The following KDELR3 variants were observed in gnomAD, a reference collection of about 807,000 sequenced individuals.
KDELR3 encodes KDEL endoplasmic reticulum protein retention receptor 3.
Under a neutral mutation model 22.7 loss-of-function variants are expected in KDELR3, and 26 were observed. The ratio of observed to expected loss-of-function variants is 1.15; its 90% CI spans 0.84 to 1.59. The LOEUF is 1.59. KDELR3 is among the 40% of genes most tolerant of loss of function. The pLI, the probability that KDELR3 is intolerant of heterozygous loss-of-function variation, is 0.00. For synonymous variants in KDELR3, 120 were observed against 98.2 expected, an observed-to-expected ratio of 1.22 and a Z score of -1.31; for missense variants, 289 against 251.1, an observed-to-expected ratio of 1.15 and a Z score of -1.02.
At chr22:38,469,688 G>A (rs1359715224) in intron 1 of KDELR3, among the ~76,000 whole-genome samples, 6 of 152,186 alleles carry the variant, frequency 3.9e-5, no homozygotes, top group Non-Finnish European at 1.5e-5. Context: ...AGAAGGCCCT[G>A]CACGGAGTGA....
intron 1 of KDELR3, among the ~76,000 whole-genome samples, chr22:38,471,583 A>G (rs2089525399): frequency 2.0e-5 from 3 of 152,196 alleles, no homozygotes; most frequent in South Asian, 4.1e-4. Context: ...TTGGCAGGTG[A>G]GGAATGTGAG....
At chr22:38,468,507 A>T (rs971247808) in intron 1 of KDELR3, among the ~76,000 whole-genome samples, 183 bp downstream of exon 1, 4 of 151,742 alleles carry the variant, frequency 2.6e-5, no homozygotes. Context: ...GAGGAGGAGG[A>T]CCCCTCGAGA....
intron 4 of KDELR3, among the ~76,000 whole-genome samples, 200 bp from the exon 5 acceptor site, chr22:38,482,296 G>A (rs954800784): frequency 2.0e-5 from 3 of 152,190 alleles, no homozygotes; most frequent in East Asian, 3.8e-4. Flanking sequence ...TAAGTTTACA[G>A]CTGGGGGGAA....
At chr22:38,468,441 CCTT>C in intron 1 of KDELR3, 117 bp downstream of exon 1, 1 of 768,092 alleles carries the variant, frequency 1.3e-6, no homozygotes, top group Non-Finnish European at 2.2e-6. Context: ...GCGTGGGGGT[CCTT>C]GAAACTTTGC....
chr22:38,469,582 C>G (rs1198706856), intron 1 of KDELR3, among the ~76,000 whole-genome samples: 2 of 151,002 alleles, frequency 1.3e-5, no homozygotes, highest in Non-Finnish European at 3.0e-5. Flanking sequence ...TCAGGTTCTT[C>G]CTCAGGGGAG....
intron 4 of KDELR3, 44 bp downstream of exon 4, chr22:38,481,508 T>A: frequency 1.2e-6 from 2 of 1,612,496 alleles, no homozygotes; most frequent in South Asian, 2.2e-5. Context: ...GCCTAAGGAG[T>A]TACTCATCCA....
At chr22:38,476,107 T>C (rs1306761279) in intron 2 of KDELR3, among the ~76,000 whole-genome samples, 2 of 152,076 alleles carry the variant, frequency 1.3e-5, no homozygotes, top group Non-Finnish European at 2.9e-5. Context: ...TTTTTTTGTA[T>C]TTTTAATAGA....
intron 1 of KDELR3, among the ~76,000 whole-genome samples, chr22:38,470,599 C>A (rs1414617291): frequency 6.6e-6 from 1 of 152,082 alleles, no homozygotes; most frequent in Non-Finnish European, 1.5e-5. Flanking sequence ...CAGACCCAGC[C>A]CCAAAGACCA....
rs1443516507 is a variant in KDELR3, at chr22:38,474,527, C to G, written c.96C>G (p.Ile32Met). The change falls in exon 2 of 5, where the codon ATC becomes ATG. Residue 32 changes from isoleucine (I) to methionine (M), a missense_variant. Physicochemically the swap from Ile to Met is conservative, Grantham distance 10. Transcript: ENST00000216014. ...KIWRSKCCKG[I>M]SGKSQILFAL... Reference sequence around the variant, plus strand: ...CCTGTCTACCCTTGGCCACAGGCATCTCTGGGAAGAGCCAGATCCTGTTTG... The same window carrying G: ...CCTGTCTACCCTTGGCCACAGGCATGTCTGGGAAGAGCCAGATCCTGTTTG... 6.2e-7 allele frequency: 1 copy of G among 1,613,630 alleles called. No homozygotes were observed. The highest frequency in any genetic ancestry group is 8.5e-7 in the Non-Finnish European group (1 of 1,179,844).
At position 38,482,414 on chromosome 22, in the gene KDELR3, T is replaced by C. The variant is rs188173064; in HGVS notation, c.605-82T>C. ...ATACTGTGAGCCGGCCATTAAGAGATGATACCAAGATTATGCATCAAGTTA... is the reference window on the plus strand; with the variant it reads ...ATACTGTGAGCCGGCCATTAAGAGACGATACCAAGATTATGCATCAAGTTA... On this transcript the variant is annotated intron_variant, in intron 4 of 4. Transcript: ENST00000216014. 6.1e-6 allele frequency: 7 copies of C among 1,150,892 alleles called. No individual in the cohort carries two copies. The African/African-American group carries it at 1.1e-4, about 18-fold the overall frequency. 71.3% of individuals were successfully genotyped at this position (1,150,892 alleles called of 1,614,324 possible).
intron 1 of KDELR3, among the ~76,000 whole-genome samples, chr22:38,472,062 T>C (rs888925382): frequency 2.0e-5 from 3 of 152,132 alleles, no homozygotes; most frequent in African/African-American, 7.2e-5. Context: ...AACCAGACCC[T>C]GAATTAGACA....
intron 2 of KDELR3, among the ~76,000 whole-genome samples, chr22:38,475,645 G>A (rs554769361): frequency 1.3e-5 from 2 of 152,134 alleles, no homozygotes; most frequent in Non-Finnish European, 2.9e-5. Flanking sequence ...TTTTTAAGAC[G>A]GAGTCTCACT....
intron 1 of KDELR3, among the ~76,000 whole-genome samples, chr22:38,471,800 G>GA (rs1569131108): frequency 1.3e-5 from 2 of 151,886 alleles, no homozygotes; most frequent in African/African-American, 4.8e-5. Flanking sequence ...CTTGTCTCTA[G>GA]AAAAAATATA....
intron 1 of KDELR3, among the ~76,000 whole-genome samples, chr22:38,472,754 C>T (rs936753240): frequency 3.9e-5 from 6 of 152,138 alleles, no homozygotes; most frequent in Non-Finnish European, 1.5e-5. Context: ...GGCTGGAGTG[C>T]AATGGCACGA....
At chr22:38,478,628 G>GTTTTTTT (rs1569133063) in intron 2 of KDELR3, among the ~76,000 whole-genome samples, 16 of 24,136 alleles carry the variant, frequency 6.6e-4, no homozygotes, top group Non-Finnish European at 1.2e-3. Context: ...CAGCATCTGT[G>GTTTTTTT]ATTTTTTTTT....
At position 38,468,436 on chromosome 22, in the gene KDELR3, G is replaced by A. The variant is rs557187816; in HGVS notation, c.91+112G>A. 1.3e-5 allele frequency: 11 copies of A among 820,476 alleles called. No individual in the cohort carries two copies. In the Admixed American group the frequency reaches 1.7e-4, roughly 12 times the overall value. The allele number at this position is 820,476 out of a possible 1,614,324, so 50.8% of individuals were successfully genotyped here. The stretch of plus-strand genomic sequence containing the variant: ...TGCTCAGGGTGGGGACTCCGGCGTG[G>A]GGGTCCTTGAAACTTTGCGGAGCTC... On this transcript the variant is annotated intron_variant, in intron 1 of 4. Coordinates refer to ENST00000216014, the MANE Select transcript of KDELR3 (RefSeq NM_006855.4).
intron 2 of KDELR3, among the ~76,000 whole-genome samples, chr22:38,476,702 TTTTGATAGAGACGGGG>T (rs2089561090): frequency 6.6e-6 from 1 of 151,834 alleles, no homozygotes; most frequent in Admixed American, 6.6e-5. Context: ...TTTTTGTATT[TTTTGATAGAGACGGGG>T]TTTCACTATG....
intron 1 of KDELR3, among the ~76,000 whole-genome samples, chr22:38,469,827 A>G (rs752391761): frequency 2.0e-5 from 3 of 151,978 alleles, no homozygotes; most frequent in Non-Finnish European, 4.4e-5. Context: ...TTTATTTTTT[A>G]TTTTTATTTT....
intron 1 of KDELR3, 59 bp downstream of exon 1, chr22:38,468,383 G>C: frequency 6.6e-7 from 1 of 1,504,700 alleles, no homozygotes; most frequent in Non-Finnish European, 9.2e-7. Flanking sequence ...TCATGCCCCT[G>C]CGTGCAGGGC....
Sources: gnomAD v4.1 joint callset for allele counts (sites outside exome capture counted in the v4.1 genomes callset) on GRCh38, gnomAD v4.1.1 for gene constraint, MANE v1.5 for transcripts, NCBI Gene and HGNC (gene_info 2026-07-23, HGNC 2026-07-21) for gene names.